The following SERPINB7 variants were observed in gnomAD, a reference collection of about 807,000 sequenced individuals.
SERPINB7 encodes serpin B7.
In SERPINB7, 31 loss-of-function variants were observed where a neutral mutation model predicts 37.4. The observed-to-expected ratio is 0.83, with a 90% confidence interval of 0.62 to 1.12. The LOEUF is 1.12. SERPINB7 is among the 50% of genes most tolerant of loss of function. The pLI is 0.00. For synonymous variants in SERPINB7, 163 were observed against 166.1 expected, an observed-to-expected ratio of 0.98 and a Z score of 0.14; for missense variants, 521 against 455.3, an observed-to-expected ratio of 1.14 and a Z score of -1.31.
In SERPINB7 at chr18:63,796,330, AT is replaced by A; in HGVS notation, c.404del (p.Leu135Ter). ...GTGGAGCGAGTTGACTTTACGAATC[AT>A]TTAGAAGACACTAGACGTAATATTA... is the stretch of plus-strand genomic sequence containing the variant. The part of the protein sequence containing the change: ...AKVERVDFTN[H>X]LEDTRRNINK... On this transcript the variant is annotated frameshift_variant, in exon 5 of 8. Coordinates refer to ENST00000398019, the MANE Select transcript of SERPINB7 (RefSeq NM_003784.4). LOFTEE classifies it high-confidence loss of function. 6.2e-7 allele frequency: 1 copy of A among 1,613,390 alleles called. No individual in the cohort carries two copies.
intron 2 of SERPINB7, among the ~76,000 whole-genome samples, chr18:63,783,260 AAG>A (rs1185492132): frequency 4.3e-5 from 6 of 140,206 alleles, no homozygotes; most frequent in African/African-American, 1.7e-4. Context: ...GAAAGAAAGA[AAG>A]AAAGAAAGAA....
In SERPINB7 at chr18:63,800,992, C is replaced by T; in HGVS notation, c.724C>T (p.Pro242Ser). The change falls in exon 7 of 8, where the codon CCT becomes TCT. Residue 242 changes from proline (P) to serine (S), a missense_variant. Pro to Ser is a moderately conservative substitution (Grantham distance 74). Coordinates refer to ENST00000398019, the MANE Select transcript of SERPINB7 (RefSeq NM_003784.4). Reference protein sequence around the residue: ...NGGINMYVLLPENDLSEIENK... With the variant: ...NGGINMYVLLSENDLSEIENK... Reference sequence around the variant, plus strand: ...TGGCATAAACATGTACGTTCTGCTGCCTGAGAATGACCTCTCTGAAGTAAG... The same window carrying T: ...TGGCATAAACATGTACGTTCTGCTGTCTGAGAATGACCTCTCTGAAGTAAG... The T allele has an allele frequency of 6.2e-7, 1 of 1,613,656 alleles. No homozygotes were observed. The highest frequency in any genetic ancestry group is 8.5e-7 in the Non-Finnish European group (1 of 1,179,764).
chr18:63,770,388 T>C (rs1449109028), intron 1 of SERPINB7, among the ~76,000 whole-genome samples: 2 of 152,034 alleles, frequency 1.3e-5, no homozygotes, highest in East Asian at 3.9e-4. Flanking sequence ...TTCTTCCCCT[T>C]TTAGAGTTTT....
intron 2 of SERPINB7, among the ~76,000 whole-genome samples, chr18:63,792,183 A>G (rs1036630051): frequency 2.0e-5 from 3 of 152,208 alleles, no homozygotes; most frequent in African/African-American, 7.2e-5. Context: ...GTTGTGGTAA[A>G]GAAAGAAAAT....
intron 1 of SERPINB7, among the ~76,000 whole-genome samples, chr18:63,757,065 AGTTGTTT>A (rs967022941): frequency 2.6e-5 from 4 of 151,814 alleles, no homozygotes; most frequent in Non-Finnish European, 5.9e-5. Context: ...TGTTTAATAG[AGTTGTTT>A]GTTTTTTTTC....
intron 2 of SERPINB7, among the ~76,000 whole-genome samples, chr18:63,786,973 A>AT (rs199788624): frequency 0.017 from 2,564 of 152,070 alleles, 80 homozygotes; most frequent in African/African-American, 0.058. Context: ...CCCATTTGGG[A>AT]TTTTTTTAGA....
intron 2 of SERPINB7, among the ~76,000 whole-genome samples, chr18:63,783,220 GAGAGAGAGAGAGAGAAAGAAAGAAAGAA>G (rs1407022383): frequency 1.7e-4 from 11 of 63,936 alleles, no homozygotes; most frequent in African/African-American, 6.8e-4. Context: ...GAGAGAGAGA[GAGAGAGAGAGAGAGAAAGAAAGAAAGAA>G]AGAAAGAAAG....
chr18:63,791,757 C>T (rs1222218666), intron 2 of SERPINB7, among the ~76,000 whole-genome samples: 1 of 150,438 alleles, frequency 6.6e-6, no homozygotes, highest in Non-Finnish European at 1.5e-5. Context: ...ACTATAGGCG[C>T]CCACCACCAC....
intron 2 of SERPINB7, among the ~76,000 whole-genome samples, chr18:63,783,211 AGAGAG>A (rs2049323465): frequency 6.0e-4 from 46 of 76,746 alleles, no homozygotes; most frequent in African/African-American, 2.0e-3. Context: ...AGAGAGAGAG[AGAGAG>A]AGAGAGAGAG....
intron 1 of SERPINB7, among the ~76,000 whole-genome samples, chr18:63,753,520 GCTTT>G (rs1280898989): frequency 7.9e-5 from 12 of 152,136 alleles, no homozygotes; most frequent in African/African-American, 2.7e-4. Flanking sequence ...CTGTGTCTGG[GCTTT>G]CTATCTCTGG....
Position 63,804,792 on chromosome 18 carries a change from A to G in SERPINB7, c.*157A>G. On this transcript the variant is annotated 3_prime_UTR_variant, in exon 8 of 8. Transcript: ENST00000398019. Reference sequence around the variant, plus strand: ...TGACACTGGTGACTTGACCCTTCCTAGACACCTGGTTGATTGTCCTGATCC... The same window carrying G: ...TGACACTGGTGACTTGACCCTTCCTGGACACCTGGTTGATTGTCCTGATCC... 1 of 677,034 alleles carries G rather than the reference A, an allele frequency of 1.5e-6. No individual in the cohort carries two copies. Among genetic ancestry groups the G allele is most frequent in the Non-Finnish European group, 2.4e-6 (1 of 408,394 alleles). The allele number at this position is 677,034 out of a possible 1,614,324, so 41.9% of individuals were successfully genotyped here.
intron 4 of SERPINB7, among the ~76,000 whole-genome samples, chr18:63,795,047 T>C (rs1032783771): frequency 7.9e-5 from 12 of 152,240 alleles, no homozygotes; most frequent in Admixed American, 2.6e-4. Context: ...TAGATCATTA[T>C]GACTTTTTTT....
intron 4 of SERPINB7, among the ~76,000 whole-genome samples, chr18:63,794,683 C>CT (rs1483578921): frequency 1.3e-5 from 2 of 151,490 alleles, no homozygotes; most frequent in Non-Finnish European, 2.9e-5. Context: ...GAGCGAGACT[C>CT]TGTCTCAAAA....
In SERPINB7 at chr18:63,804,426, T is replaced by G. The variant is rs769559313; in HGVS notation, c.934T>G (p.Ser312Ala). ...CAAAGCAGATCTCTCTGGGATTGCT[T>G]CGGGGGGTCGTCTGTATATATCAAG... ...ESKADLSGIASGGRLYISRMM... is the reference protein window; with the variant it reads ...ESKADLSGIAAGGRLYISRMM... The change falls in exon 8 of 8, where the codon TCG becomes GCG. Residue 312 changes from serine to alanine, a missense_variant. Physicochemically the swap from Ser to Ala is moderately conservative, Grantham distance 99 (BLOSUM62 1). Transcript: ENST00000398019. The G allele has an allele frequency of 5.0e-6, 8 of 1,613,616 alleles. No individual in the cohort carries two copies. The South Asian group carries it at 8.8e-5, about 18-fold the overall frequency.
chr18:63,766,849 G>T (rs2049183479), intron 1 of SERPINB7, among the ~76,000 whole-genome samples: 1 of 152,110 alleles, frequency 6.6e-6, no homozygotes. Context: ...ATTCCCTCTA[G>T]TCATCTGCAT....
intron 1 of SERPINB7, among the ~76,000 whole-genome samples, chr18:63,757,801 T>A (rs2144582025): frequency 6.6e-6 from 1 of 152,348 alleles, no homozygotes; most frequent in South Asian, 2.1e-4. Context: ...TTCATTTAAC[T>A]GTAAGCACTG....
intron 1 of SERPINB7, among the ~76,000 whole-genome samples, chr18:63,757,308 T>C (rs1232574050): frequency 6.6e-6 from 1 of 152,144 alleles, no homozygotes; most frequent in South Asian, 2.1e-4. Context: ...GGGAAAGCAA[T>C]TGAATAACTT....
chr18:63,760,466 G>A (rs1314464493), intron 1 of SERPINB7, among the ~76,000 whole-genome samples: 5 of 152,188 alleles, frequency 3.3e-5, no homozygotes, highest in Non-Finnish European at 7.3e-5. Context: ...CCCATTTTCT[G>A]GGGAGAAATT....
upstream of SERPINB7, among the ~76,000 whole-genome samples, chr18:63,772,595 T>G (rs2049217687): frequency 6.6e-6 from 1 of 152,108 alleles, no homozygotes; most frequent in Non-Finnish European, 1.5e-5. Context: ...ACTGCATTTC[T>G]TTGGGAAGTT....
Sources: allele counts gnomAD v4.1 joint callset (sites outside exome capture counted in the v4.1 genomes callset), GRCh38; gene constraint gnomAD v4.1.1; transcripts MANE v1.5; gene names NCBI Gene and HGNC (gene_info 2026-07-23, HGNC 2026-07-21).